Variants in ANKS1B observed in about 807,000 individuals in gnomAD.
ANKS1B encodes the protein ankyrin repeat and sterile alpha motif domain-containing protein 1B.
In ANKS1B, 36 loss-of-function variants were observed where a neutral mutation model predicts 148.3. The ratio of observed to expected loss-of-function variants is 0.24; its 90% CI spans 0.19 to 0.32. The LOEUF is 0.32. ANKS1B is among the 10% of genes least tolerant of loss of function. The probability of loss-of-function intolerance (pLI) is 1.00; values close to 1 mark genes in which losing one functional copy is unlikely to be tolerated. For synonymous variants in ANKS1B, 542 were observed against 560.8 expected (o/e 0.97, Z 0.47); for missense variants, 1,157 against 1,542.6 (o/e 0.75, Z 4.19).
At chr12:99,907,838 A>AAAAC (rs1788465939) in intron 1 of ANKS1B, among the ~76,000 whole-genome samples, 1 of 129,172 alleles carries the variant, frequency 7.7e-6, no homozygotes, top group African/African-American at 2.9e-5. Context: ...AAAAAAAAAA[A>AAAAC]CTGTAAAAAC....
chr12:98,980,430 TCTC>T (rs1343343029), intron 17 of ANKS1B, among the ~76,000 whole-genome samples: 2 of 152,186 alleles, frequency 1.3e-5, no homozygotes, highest in Admixed American at 6.5e-5. Flanking sequence ...ATGGTCTAGA[TCTC>T]CTGACCTCGT....
chr12:98,971,074 CTT>C (rs1387152575), intron 17 of ANKS1B, among the ~76,000 whole-genome samples: 2 of 152,168 alleles, frequency 1.3e-5, no homozygotes, highest in African/African-American at 4.8e-5. Context: ...AGTCAGGAGA[CTT>C]GAGTTGAAAT....
chr12:99,111,700 T>C lies in ANKS1B; in HGVS notation c.2527-26677A>G, dbSNP rs188464785. ...GGTTAGCAATTTTCTTTTCTTTCTT[T>C]ACACGTACTTGTAATTCATTTAATG... On this transcript the variant is annotated intron_variant, in intron 15 of 26. Coordinates refer to ENST00000683438, the MANE Select transcript of ANKS1B (RefSeq NM_001352186.2). Among the ~76,000 whole-genome samples, 5 of 152,318 alleles carry C rather than the reference T, an allele frequency of 3.3e-5. No individual in the cohort carries two copies. The East Asian group carries it at 9.6e-4, about 29-fold the overall frequency.
chr12:99,444,466 A>AT (rs935587294), intron 10 of ANKS1B, among the ~76,000 whole-genome samples: 3 of 151,996 alleles, frequency 2.0e-5, no homozygotes, highest in African/African-American at 7.2e-5. Flanking sequence ...TATGTTCAGT[A>AT]TTTAGGAGGG....
chr12:99,810,935 A>G (rs919669989), intron 3 of ANKS1B, among the ~76,000 whole-genome samples: 3 of 151,906 alleles, frequency 2.0e-5, no homozygotes, highest in Non-Finnish European at 4.4e-5. Context: ...TTTCTGTGGA[A>G]GAGAAGAGCA....
intron 12 of ANKS1B, among the ~76,000 whole-genome samples, chr12:99,348,613 A>G (rs1032937046): frequency 1.3e-5 from 2 of 151,942 alleles, no homozygotes; most frequent in African/African-American, 4.8e-5. Context: ...TATTTAAACT[A>G]TAGAAGACTT....
intron 1 of ANKS1B, among the ~76,000 whole-genome samples, chr12:99,834,271 G>A (rs990885518): frequency 1.1e-4 from 16 of 152,068 alleles, no homozygotes; most frequent in African/African-American, 3.1e-4. Flanking sequence ...GAAATGTCTT[G>A]AAAAAGTATA....
chr12:98,895,094 G>A (rs563697871), intron 17 of ANKS1B: 5 of 971,648 alleles, frequency 5.1e-6, no homozygotes, highest in Non-Finnish European at 6.1e-6. Flanking sequence ...GCGGCGAGGC[G>A]GGGGGGAGGT....
chr12:98,781,576 C>A (rs2098736855), intron 23 of ANKS1B: 3 of 386,618 alleles, frequency 7.8e-6, no homozygotes, highest in Non-Finnish European at 1.5e-5. Context: ...AGAGTTAAAC[C>A]ACATCGGACT....
chr12:98,746,017 A>G (rs549715652), intron 26 of ANKS1B, among the ~76,000 whole-genome samples, 168 bp from the exon 27 acceptor site: 2 of 152,246 alleles, frequency 1.3e-5, no homozygotes, highest in African/African-American at 4.8e-5. Context: ...TTTACCGCAT[A>G]CCGACTCTCT....
chr12:99,965,433 C>T (rs2095473208), intron 1 of ANKS1B, among the ~76,000 whole-genome samples: 1 of 152,146 alleles, frequency 6.6e-6, no homozygotes, highest in African/African-American at 2.4e-5. Flanking sequence ...AATGGGATAT[C>T]TGCATAAATG....
intron 9 of ANKS1B, among the ~76,000 whole-genome samples, chr12:99,558,454 T>A (rs1414962323): frequency 6.6e-6 from 1 of 151,812 alleles, no homozygotes; most frequent in Admixed American, 6.6e-5. Context: ...TGTGTGTGTG[T>A]CAAGGGGGGA....
At position 99,100,832 on chromosome 12, in the gene ANKS1B, A is replaced by AG. The variant is rs113962313; in HGVS notation, c.2527-15810dup. Among the ~76,000 whole-genome samples, 1,097 of 152,304 alleles carry AG rather than the reference A, an allele frequency of 7.2e-3. 14 individuals are homozygous for AG. Among genetic ancestry groups the AG allele is most frequent in the South Asian group, 0.046 (221 of 4,818 alleles). On this transcript the variant is annotated intron_variant, in intron 15 of 26. Transcript: ENST00000683438. ...GGCGTCAGCCACTGTGCCTGGTCAA[A>AG]GAGACTATTTTTTTGATGCAGCACA...
At chr12:99,124,942 A>C (rs1302438836) in intron 15 of ANKS1B, among the ~76,000 whole-genome samples, 1 of 144,986 alleles carries the variant, frequency 6.9e-6, no homozygotes, top group African/African-American at 2.5e-5. Context: ...CACTTTTAGT[A>C]GGGTGGAAAA....
intron 8 of ANKS1B, among the ~76,000 whole-genome samples, chr12:99,742,597 G>A (rs1302109770): frequency 2.0e-5 from 3 of 151,968 alleles, no homozygotes; most frequent in Admixed American, 6.6e-5. Flanking sequence ...CACTTTGGGA[G>A]GCCAAGGCAG....
At chr12:98,982,418 A>G (rs2099912636) in intron 17 of ANKS1B, among the ~76,000 whole-genome samples, 1 of 152,216 alleles carries the variant, frequency 6.6e-6, no homozygotes. Context: ...CACTGGTGTA[A>G]GAAAAATAAC....
intron 14 of ANKS1B, among the ~76,000 whole-genome samples, chr12:99,210,359 A>AT (rs2083189870): frequency 6.6e-6 from 1 of 152,104 alleles, no homozygotes; most frequent in South Asian, 2.1e-4. Flanking sequence ...AGCCCTCTTA[A>AT]TTTTTTTCTT....
At chr12:99,503,211 T>C (rs1055899694) in intron 10 of ANKS1B, among the ~76,000 whole-genome samples, 10 of 152,186 alleles carry the variant, frequency 6.6e-5, no homozygotes, top group Non-Finnish European at 1.3e-4. Context: ...AGGCATGAGG[T>C]AGTGTCTGTA....
chr12:99,850,281 G>GTCTCTCCCTCTCTCTC (rs57015094), intron 1 of ANKS1B, among the ~76,000 whole-genome samples: 2,233 of 114,144 alleles, frequency 0.02, 195 homozygotes, highest in African/African-American at 0.039. Flanking sequence ...AAGCAAGAAA[G>GTCTCTCCCTCTCTCTC]TCTCTCTCTC....
Sources: allele counts gnomAD v4.1 joint callset (sites outside exome capture counted in the v4.1 genomes callset), GRCh38; gene constraint gnomAD v4.1.1; transcripts MANE v1.5; gene names NCBI Gene and HGNC (gene_info 2026-07-23, HGNC 2026-07-21).